PTPRQ: variants seen among roughly 807,000 people sequenced by gnomAD.
The protein encoded by PTPRQ is protein tyrosine phosphatase receptor type Q, also known as phosphatidylinositol phosphatase PTPRQ.
A neutral mutation model predicts 246.0 loss-of-function variants in PTPRQ; 199 were observed. The ratio of observed to expected loss-of-function variants is 0.81; its 90% CI spans 0.72 to 0.91. The LOEUF (loss-of-function observed/expected upper bound fraction) is 0.91, where lower values mean the gene tolerates loss of function less well. PTPRQ is among the 40% of genes least tolerant of loss of function. The probability of loss-of-function intolerance (pLI) is 0.00; values close to 1 mark genes in which losing one functional copy is unlikely to be tolerated. For synonymous variants in PTPRQ, 869 were observed against 853.2 expected (o/e 1.02, Z -0.32); for missense variants, 2,624 against 2,528.4 (o/e 1.04, Z -0.81).
rs1592714595 is a variant in PTPRQ, at chr12:80,610,459, T to C, written c.4752T>C (p.Asn1584=). The C allele has an allele frequency of 4.7e-6, 7 of 1,501,086 alleles. No homozygotes were observed. In the East Asian group the frequency reaches 1.8e-4, roughly 38 times the overall value. 93.0% of individuals were successfully genotyped at this position (1,501,086 alleles called of 1,614,324 possible). ...DVKSVDNDEF[N]ISFIKSNEEN... ...TATAGGTAGATAATGATGAATTTAA[T>C]ATATCCTTCATCAAGTCAAATGAAG... Residue 1584 remains asparagine (N), a synonymous_variant, in exon 28 of 45, where the codon AAT becomes AAC. Coordinates refer to ENST00000644991, the MANE Select transcript of PTPRQ (RefSeq NM_001145026.2).
intron 8 of PTPRQ, among the ~76,000 whole-genome samples, chr12:80,479,472 T>G (rs1335593459): frequency 6.8e-6 from 1 of 148,074 alleles, no homozygotes; most frequent in Non-Finnish European, 1.5e-5. Context: ...CATCAACTAA[T>G]GAGCAAAATA....
At chr12:80,580,628 T>G (rs954699104) in intron 25 of PTPRQ, among the ~76,000 whole-genome samples, 2 of 152,204 alleles carry the variant, frequency 1.3e-5, no homozygotes, top group African/African-American at 4.8e-5. Flanking sequence ...TAGCCTTGTT[T>G]AAAAAATTGT....
At chr12:80,530,513 G>A (rs551094249) in intron 17 of PTPRQ, among the ~76,000 whole-genome samples, 2 of 152,160 alleles carry the variant, frequency 1.3e-5, no homozygotes, top group African/African-American at 2.4e-5. Context: ...ACTGTCTAAC[G>A]AATGGTGTCT....
chr12:80,552,823 C>T (rs542987859), intron 25 of PTPRQ, among the ~76,000 whole-genome samples: 2 of 151,600 alleles, frequency 1.3e-5, no homozygotes, highest in Non-Finnish European at 1.5e-5. Context: ...TTTCCTACTA[C>T]TGAGTACCAT....
rs1299853561 is a variant in PTPRQ, at chr12:80,673,324, A to C, written c.6738+20A>C. The C allele has an allele frequency of 6.5e-7, 1 of 1,539,408 alleles. No homozygotes were observed. Among genetic ancestry groups the C allele is most frequent in the African/African-American group, 1.4e-5 (1 of 72,230 alleles). On this transcript the variant is annotated intron_variant, in intron 43 of 44. Coordinates refer to ENST00000644991, the MANE Select transcript of PTPRQ (RefSeq NM_001145026.2). ...AATCTGGTAAGATCTCTAAACCTGCACTGCATTCTAAAGTTCTAGAATTTC... is the reference window on the plus strand; with the variant it reads ...AATCTGGTAAGATCTCTAAACCTGCCCTGCATTCTAAAGTTCTAGAATTTC...
At chr12:80,513,514 G>A (rs1895186254) in intron 17 of PTPRQ, among the ~76,000 whole-genome samples, 1 of 152,110 alleles carries the variant, frequency 6.6e-6, no homozygotes, top group African/African-American at 2.4e-5. Flanking sequence ...ATTTTTATAG[G>A]CACAGGATGG....
At chr12:80,636,395 A>G (rs938894168) in intron 35 of PTPRQ, among the ~76,000 whole-genome samples, 3 of 152,196 alleles carry the variant, frequency 2.0e-5, no homozygotes, top group Admixed American at 6.5e-5. Context: ...CACTGCTACT[A>G]CTAGACTGTG....
Position 80,652,976 on chromosome 12 carries a change from A to G in PTPRQ, c.6115+142A>G, listed in dbSNP as rs1379228506. 1.2e-5 allele frequency: 12 copies of G among 1,027,710 alleles called. No individual in the cohort carries two copies. In the Admixed American group the frequency reaches 1.7e-4, roughly 14 times the overall value. The allele number at this position is 1,027,710 out of a possible 1,614,324, so 63.7% of individuals were successfully genotyped here. A position where few individuals can be genotyped will look rare whatever the true frequency, so the allele number is the denominator to read the frequency against. The stretch of plus-strand genomic sequence containing the variant: ...TTTTATTGGCAGTGACTACCAAATT[A>G]TATATCTTTTGCTTTGTTCATATTT... On this transcript the variant is annotated intron_variant, in intron 38 of 44. Coordinates refer to ENST00000644991, the MANE Select transcript of PTPRQ (RefSeq NM_001145026.2).
intron 25 of PTPRQ, among the ~76,000 whole-genome samples, chr12:80,555,455 G>T (rs1299452641): frequency 6.6e-6 from 1 of 152,060 alleles, no homozygotes; most frequent in African/African-American, 2.4e-5. Flanking sequence ...TAAAACTGCT[G>T]CCCTTCTATG....
chr12:80,536,482 A>G (rs112415084), intron 19 of PTPRQ, among the ~76,000 whole-genome samples: 1,531 of 152,352 alleles, frequency 0.01, 35 homozygotes, highest in African/African-American at 0.034. Context: ...ATTCTGTTCT[A>G]TAAGAGTAGG....
At position 80,488,884 on chromosome 12, in the gene PTPRQ, A is replaced by T. The variant is rs10128946; in HGVS notation, c.1359+4279A>T. Among the ~76,000 whole-genome samples the T allele has an allele frequency of 2.0e-5, 3 of 152,160 alleles. No homozygotes were observed. In the East Asian group the frequency reaches 5.8e-4, roughly 29 times the overall value. On this transcript the variant is annotated intron_variant, in intron 9 of 44. Coordinates refer to ENST00000644991, the MANE Select transcript of PTPRQ (RefSeq NM_001145026.2). ...ATTTAAACAAATATTTGAAAATTAC[A>T]TTAGCAAAATGAGTCTCAGGGTTTG...
chr12:80,669,198 G>T (rs1238056180), intron 40 of PTPRQ, 57 bp downstream of exon 40: 7 of 1,533,406 alleles, frequency 4.6e-6, no homozygotes, highest in Non-Finnish European at 6.2e-6. Flanking sequence ...TAACATATGT[G>T]TGAATATTTC....
chr12:80,526,717 A>C (rs1485345656), intron 17 of PTPRQ, among the ~76,000 whole-genome samples: 1 of 152,134 alleles, frequency 6.6e-6, no homozygotes, highest in Admixed American at 6.6e-5. Flanking sequence ...TGTGTTTAAA[A>C]ATTTTTTAAA....
intron 14 of PTPRQ, among the ~76,000 whole-genome samples, chr12:80,503,523 A>G (rs1254501706): frequency 6.6e-6 from 1 of 151,810 alleles, no homozygotes; most frequent in Non-Finnish European, 1.5e-5. Context: ...TTTATCTACT[A>G]AATTTATTAT....
chr12:80,550,462 G>A (rs115729310), intron 25 of PTPRQ, among the ~76,000 whole-genome samples: 4,115 of 152,160 alleles, frequency 0.027, 195 homozygotes, highest in African/African-American at 0.094. Context: ...GACATAGTCT[G>A]CCTTCTCTCT....
Position 80,539,960 on chromosome 12 carries a change from A to C in PTPRQ, c.3154+16A>C. The C allele has an allele frequency of 2.1e-6, 3 of 1,444,524 alleles. No individual in the cohort carries two copies. The highest frequency in any genetic ancestry group is 2.7e-6 in the Non-Finnish European group (3 of 1,095,014). The allele number at this position is 1,444,524 out of a possible 1,614,324, so 89.5% of individuals were successfully genotyped here. A position where few individuals can be genotyped will look rare whatever the true frequency, so the allele number is the denominator to read the frequency against. On this transcript the variant is annotated intron_variant, in intron 20 of 44. Transcript: ENST00000644991. ...GATCAAGACAGTATGTAAACAAAAA[A>C]CACTAATCTTTAATATGATTAATTT...
chr12:80,466,548 A>T (rs934930660), intron 6 of PTPRQ, among the ~76,000 whole-genome samples: 34 of 152,218 alleles, frequency 2.2e-4, no homozygotes, highest in Admixed American at 2.2e-3. Flanking sequence ...CGCATTGCCA[A>T]GTCAATCCTA....
At chr12:80,514,373 T>TACACAC (rs372647668) in intron 17 of PTPRQ, among the ~76,000 whole-genome samples, 44 of 112,180 alleles carry the variant, frequency 3.9e-4, no homozygotes, top group African/African-American at 8.1e-4. Flanking sequence ...GGCTTTATTT[T>TACACAC]ACACACACAC....
intron 19 of PTPRQ, 141 bp downstream of exon 19, chr12:80,535,178 A>G (rs1374433102): frequency 1.2e-6 from 1 of 803,868 alleles, no homozygotes; most frequent in East Asian, 3.1e-5. Context: ...CCATTGACAT[A>G]GAAAAATGCG....
Sources: gnomAD v4.1 joint callset for allele counts (sites outside exome capture counted in the v4.1 genomes callset) on GRCh38, gnomAD v4.1.1 for gene constraint, MANE v1.5 for transcripts, NCBI Gene and HGNC (gene_info 2026-07-23, HGNC 2026-07-21) for gene names.